ORC2: variants seen among roughly 807,000 people sequenced by gnomAD.
The protein encoded by ORC2 is origin recognition complex protein 2 homolog.
Under a neutral mutation model 77.7 loss-of-function variants are expected in ORC2, and 37 were observed. The ratio of observed to expected loss-of-function variants is 0.48; its 90% CI spans 0.37 to 0.63. The LOEUF is 0.63. ORC2 is among the 20% of genes least tolerant of loss of function. ORC2 has a pLI of 0.00. For synonymous variants in ORC2, 201 were observed against 229.5 expected, an observed-to-expected ratio of 0.88 and a Z score of 1.12; for missense variants, 557 against 661.9, an observed-to-expected ratio of 0.84 and a Z score of 1.74.
chr2:200,963,625 G>A lies in ORC2; in HGVS notation c.-195C>T, dbSNP rs1413604787. 2.0e-5 allele frequency: 8 copies of A among 398,432 alleles called. No homozygotes were observed. The highest frequency in any genetic ancestry group is 3.5e-5 in the Non-Finnish European group (8 of 226,014). 24.7% of individuals were successfully genotyped at this position (398,432 alleles called of 1,614,324 possible). On this transcript the variant is annotated 5_prime_UTR_variant, in exon 1 of 18. Coordinates refer to ENST00000234296, the MANE Select transcript of ORC2 (RefSeq NM_006190.5). ...TTCCAGTAATTCGCGCCCGACCACC[G>A]GGGAGGTAAGGAGCACCGGAGGCCA...
chr2:200,918,372 A>G (rs2040695234), intron 15 of ORC2, among the ~76,000 whole-genome samples: 1 of 152,214 alleles, frequency 6.6e-6, no homozygotes, highest in African/African-American at 2.4e-5. Context: ...GGATGAAAGG[A>G]AAGAGTGAGA....
intron 13 of ORC2, among the ~76,000 whole-genome samples, chr2:200,925,376 A>G (rs1015255192): frequency 1.3e-5 from 2 of 152,202 alleles, no homozygotes; most frequent in Admixed American, 1.3e-4. Flanking sequence ...TTTCCTGTTA[A>G]GTTCACGGAA....
At chr2:200,950,130 G>C (rs2041324960) in intron 4 of ORC2, among the ~76,000 whole-genome samples, 1 of 152,144 alleles carries the variant, frequency 6.6e-6, no homozygotes, top group African/African-American at 2.4e-5. Flanking sequence ...AGGAGATTGA[G>C]AGCATCCTGG....
intron 5 of ORC2, among the ~76,000 whole-genome samples, chr2:200,944,690 G>A (rs144377268): frequency 1.4e-3 from 218 of 152,200 alleles, no homozygotes; most frequent in Non-Finnish European, 2.7e-3. Context: ...ACAGGCGTGC[G>A]CCACTATGCC....
At chr2:200,963,327 C>G (rs1004746811) in intron 1 of ORC2, 163 bp downstream of exon 1, 13 of 397,156 alleles carry the variant, frequency 3.3e-5, no homozygotes, top group Non-Finnish European at 5.8e-5. Flanking sequence ...GGCAGCGAGG[C>G]GCAAAGACCA....
chr2:200,929,531 C>G (rs1284158932), intron 11 of ORC2, among the ~76,000 whole-genome samples: 3 of 152,228 alleles, frequency 2.0e-5, no homozygotes, highest in South Asian at 2.1e-4. Context: ...TGGCTCACAC[C>G]TGTAATCCCA....
chr2:200,922,432 G>A (rs1000234520), intron 13 of ORC2, among the ~76,000 whole-genome samples: 3 of 125,642 alleles, frequency 2.4e-5, no homozygotes, highest in South Asian at 2.2e-4. Context: ...TACTGAAACC[G>A]TATGAAACAG....
intron 10 of ORC2, 42 bp downstream of exon 10, chr2:200,933,834 C>G: frequency 9.0e-7 from 1 of 1,114,720 alleles, no homozygotes; most frequent in East Asian, 2.4e-5. Context: ...TTTTTCAGGA[C>G]AGAGTAAAAA....
At chr2:200,919,898 G>A (rs1276517962) in intron 15 of ORC2, among the ~76,000 whole-genome samples, 1 of 152,134 alleles carries the variant, frequency 6.6e-6, no homozygotes, top group Non-Finnish European at 1.5e-5. Flanking sequence ...GGATCAGAAT[G>A]TTCAATATGT....
chr2:200,911,220 T>C lies in ORC2; in HGVS notation c.*81A>G. ...GCTGGAAAAATAATTTAATGTCAGA[T>C]GTAAACACAACACTTTCAACTAGAG... is the stretch of plus-strand genomic sequence containing the variant. On this transcript the variant is annotated 3_prime_UTR_variant, in exon 18 of 18. Transcript: ENST00000234296. 1 of 821,328 alleles carries C rather than the reference T, an allele frequency of 1.2e-6. No individual in the cohort carries two copies. Among genetic ancestry groups the C allele is most frequent in the Non-Finnish European group, 2.1e-6 (1 of 480,616 alleles). The allele number at this position is 821,328 out of a possible 1,614,324, so 50.9% of individuals were successfully genotyped here.
At chr2:200,956,069 T>G (rs559616339) in intron 4 of ORC2, among the ~76,000 whole-genome samples, 298 of 152,252 alleles carry the variant, frequency 2.0e-3, no homozygotes, top group Middle Eastern at 6.8e-3. Context: ...ATAAATATCT[T>G]TTTTTTGTTC....
intron 5 of ORC2, among the ~76,000 whole-genome samples, chr2:200,945,670 C>G (rs2041237512): frequency 6.6e-6 from 1 of 152,150 alleles, no homozygotes; most frequent in African/African-American, 2.4e-5. Flanking sequence ...GTATTTTACA[C>G]AATAAACTGG....
At chr2:200,931,931 C>G (rs571209446) in intron 10 of ORC2, among the ~76,000 whole-genome samples, 2 of 152,136 alleles carry the variant, frequency 1.3e-5, no homozygotes, top group Non-Finnish European at 2.9e-5. Context: ...CTTGGAAATT[C>G]ATGCTGATGA....
intron 4 of ORC2, among the ~76,000 whole-genome samples, chr2:200,953,312 C>T (rs1172426178): frequency 6.7e-6 from 1 of 149,754 alleles, no homozygotes; most frequent in Non-Finnish European, 1.5e-5. Context: ...CTAGCTATTA[C>T]AGTTCTTTTT....
intron 8 of ORC2, among the ~76,000 whole-genome samples, chr2:200,936,301 GC>G (rs1262248334): frequency 6.6e-6 from 1 of 152,156 alleles, no homozygotes; most frequent in Non-Finnish European, 1.5e-5. Flanking sequence ...CAAGGTACCT[GC>G]TTTCCCAGCC....
In ORC2 at chr2:200,963,585, A is replaced by G. The variant is rs973375403; in HGVS notation, c.-155T>C. On this transcript the variant is annotated 5_prime_UTR_variant, in exon 1 of 18. Transcript: ENST00000234296. ...CGCAGGGAAGGTACCTTCGGCCCCA[A>G]CGGGAAAAGCCAATTTCCAGTAATT... is the stretch of plus-strand genomic sequence containing the variant. 2.5e-6 allele frequency: 1 copy of G among 398,532 alleles called. No homozygotes were observed. The highest frequency in any genetic ancestry group is 1.3e-4 in the South Asian group (1 of 7,862). The allele number at this position is 398,532 out of a possible 1,614,324, so 24.7% of individuals were successfully genotyped here.
intron 5 of ORC2, among the ~76,000 whole-genome samples, chr2:200,944,191 T>G (rs2041207326): frequency 6.6e-6 from 1 of 152,130 alleles, no homozygotes; most frequent in South Asian, 2.1e-4. Context: ...TCTTTTTTTT[T>G]GAGATAGAGT....
chr2:200,935,472 T>C (rs1180273384), intron 9 of ORC2, among the ~76,000 whole-genome samples: 1 of 152,226 alleles, frequency 6.6e-6, no homozygotes, highest in Non-Finnish European at 1.5e-5. Flanking sequence ...TTTTAGCATA[T>C]ACTATTTAGC....
intron 7 of ORC2, among the ~76,000 whole-genome samples, chr2:200,938,826 G>A (rs1035146846): frequency 6.6e-6 from 1 of 152,104 alleles, no homozygotes; most frequent in Non-Finnish European, 1.5e-5. Context: ...GATCACCTGA[G>A]GTCGGGAGTT....
Sources: allele counts gnomAD v4.1 joint callset (sites outside exome capture counted in the v4.1 genomes callset), GRCh38; gene constraint gnomAD v4.1.1; transcripts MANE v1.5; gene names NCBI Gene and HGNC (gene_info 2026-07-23, HGNC 2026-07-21).